Variants in KIF26B observed in about 807,000 individuals in gnomAD.
KIF26B encodes kinesin family member 26B, also known as kinesin-like protein KIF26B.
KIF26B carries 63 observed loss-of-function variants against 151.2 expected under a neutral mutation model. That is an observed-to-expected ratio of 0.42 (90% CI 0.34 to 0.51). KIF26B has a LOEUF of 0.51. Ranked by LOEUF, KIF26B falls within the 20% of genes least tolerant of loss-of-function variation. The pLI, the probability that KIF26B is intolerant of heterozygous loss-of-function variation, is 0.07. For missense variants in KIF26B, 2,813 were observed against 2,913.6 expected, an observed-to-expected ratio of 0.97 and a Z score of 0.79; for synonymous variants, 1,357 against 1,262.1, an observed-to-expected ratio of 1.08 and a Z score of -1.59.
chr1:245,219,224 T>G (rs1669712708), intron 2 of KIF26B, among the ~76,000 whole-genome samples: 1 of 144,002 alleles, frequency 6.9e-6, no homozygotes. Flanking sequence ...CTGCAAGCTT[T>G]GCCTCCCGGG....
intron 2 of KIF26B, among the ~76,000 whole-genome samples, chr1:245,184,053 T>TTTTTTTTTTTTTTTTG (rs1668958660): frequency 1.3e-5 from 1 of 78,334 alleles, no homozygotes. Context: ...AGTTGTTGTT[T>TTTTTTTTTTTTTTTTG]TTTTTTTTTT....
intron 2 of KIF26B, among the ~76,000 whole-genome samples, chr1:245,289,397 C>T (rs557439364): frequency 6.6e-6 from 1 of 152,244 alleles, no homozygotes; most frequent in Admixed American, 6.5e-5. Context: ...AGTGTATGGA[C>T]TTGAAAAAAT....
At chr1:245,696,521 G>T (rs1383221419) in intron 12 of KIF26B, among the ~76,000 whole-genome samples, 1 of 152,170 alleles carries the variant, frequency 6.6e-6, no homozygotes, top group Middle Eastern at 3.2e-3. Context: ...TGTTTTAGCC[G>T]CTGGGTTTGG....
At chr1:245,636,050 T>A (rs2043830872) in intron 9 of KIF26B, among the ~76,000 whole-genome samples, 1 of 152,176 alleles carries the variant, frequency 6.6e-6, no homozygotes, top group South Asian at 2.1e-4. Flanking sequence ...GAATACTGTG[T>A]ATCTTGGTAA....
chr1:245,311,720 G>A (rs578105650), intron 2 of KIF26B, among the ~76,000 whole-genome samples: 3 of 152,288 alleles, frequency 2.0e-5, no homozygotes, highest in African/African-American at 7.2e-5. Context: ...ATCACCTGAG[G>A]TCAGGAGTTC....
intron 2 of KIF26B, among the ~76,000 whole-genome samples, chr1:245,292,719 G>T (rs1214107993): frequency 1.3e-5 from 2 of 152,332 alleles, no homozygotes; most frequent in African/African-American, 4.8e-5. Context: ...TTCACTGAAT[G>T]ATTCTGGAAG....
intron 2 of KIF26B, among the ~76,000 whole-genome samples, chr1:245,247,310 T>A (rs1396926607): frequency 1.3e-5 from 2 of 148,256 alleles, no homozygotes; most frequent in African/African-American, 5.0e-5. Context: ...AAAAAAAAAT[T>A]AGCTGGGCGT....
chr1:245,465,845 C>T (rs1460681914), intron 4 of KIF26B, among the ~76,000 whole-genome samples: 4 of 152,128 alleles, frequency 2.6e-5, no homozygotes, highest in African/African-American at 9.7e-5. Flanking sequence ...CATCATGGGA[C>T]AGGAGCCAGG....
At chr1:245,580,876 C>T (rs1185120102) in intron 5 of KIF26B, among the ~76,000 whole-genome samples, 1 of 152,234 alleles carries the variant, frequency 6.6e-6, no homozygotes. Context: ...TCTGCCCATG[C>T]TGTCATAATG....
At chr1:245,290,540 A>G (rs1232247121) in intron 2 of KIF26B, among the ~76,000 whole-genome samples, 3 of 152,150 alleles carry the variant, frequency 2.0e-5, no homozygotes, top group Admixed American at 6.5e-5. Context: ...TTGCCATGGC[A>G]TTTGTAAACT....
intron 2 of KIF26B, among the ~76,000 whole-genome samples, chr1:245,312,133 G>A (rs1336725355): frequency 6.6e-6 from 1 of 150,746 alleles, no homozygotes; most frequent in Non-Finnish European, 1.5e-5. Context: ...ATGGGCACTA[G>A]AATTGGAGGA....
rs116421375 is a variant in KIF26B at position 245,170,138 on chromosome 1, G to A, written c.465+13455G>A. Among the ~76,000 whole-genome samples, 1,065 of 152,270 alleles carry A rather than the reference G, an allele frequency of 7.0e-3. 10 individuals are homozygous for A. Among genetic ancestry groups the A allele is most frequent in the African/African-American group, 0.022 (928 of 41,542 alleles). On this transcript the variant is annotated intron_variant, in intron 2 of 14. Coordinates refer to ENST00000407071, the MANE Select transcript of KIF26B (RefSeq NM_018012.4). The surrounding 1 kb of genome is among the most constrained non-coding windows in gnomAD (Gnocchi z 4.4). ...GGATGGGACGGTGGTGACAAATGGC[G>A]GGATGGGAGATGATGCCTGGGTGAG... is the stretch of plus-strand genomic sequence containing the variant.
At chr1:245,418,699 T>A (rs1014388790) in intron 3 of KIF26B, among the ~76,000 whole-genome samples, 6 of 152,258 alleles carry the variant, frequency 3.9e-5, no homozygotes, top group Non-Finnish European at 7.3e-5. Flanking sequence ...ACTGACATTT[T>A]TCTTTTTTTG....
chr1:245,578,502 G>GAC (rs2043146331), intron 5 of KIF26B, among the ~76,000 whole-genome samples: 1 of 152,188 alleles, frequency 6.6e-6, no homozygotes, highest in Admixed American at 6.5e-5. Flanking sequence ...AGCTGTAGAG[G>GAC]ACACACACAG....
Position 245,170,267 on chromosome 1 carries a change from G to A in KIF26B, c.465+13584G>A, listed in dbSNP as rs956377203. On this transcript the variant is annotated intron_variant, in intron 2 of 14. Transcript: ENST00000407071. The surrounding 1 kb of genome is among the most constrained non-coding windows in gnomAD (Gnocchi z 4.4). ...AGAGTAAGAGCAGCGCCTTCACCTCGGTGGAGCTTAGTCTAGGCATTTATG... is the reference window on the plus strand; with the variant it reads ...AGAGTAAGAGCAGCGCCTTCACCTCAGTGGAGCTTAGTCTAGGCATTTATG... Among the ~76,000 whole-genome samples the A allele has an allele frequency of 1.3e-5, 2 of 152,178 alleles. No individual in the cohort carries two copies. Among genetic ancestry groups the A allele is most frequent in the African/African-American group, 4.8e-5 (2 of 41,436 alleles).
At chr1:245,245,617 C>T (rs1196316638) in intron 2 of KIF26B, among the ~76,000 whole-genome samples, 2 of 152,064 alleles carry the variant, frequency 1.3e-5, no homozygotes, top group East Asian at 1.9e-4. Flanking sequence ...ATGGTGAAAC[C>T]CCATCTCTAC....
chr1:245,225,659 G>A (rs547655432), intron 2 of KIF26B, among the ~76,000 whole-genome samples: 4 of 152,336 alleles, frequency 2.6e-5, no homozygotes, highest in Admixed American at 2.6e-4. Flanking sequence ...GGTGGCTGGA[G>A]GCCAGAGAGG....
chr1:245,449,482 A>G (rs2298106), intron 4 of KIF26B, among the ~76,000 whole-genome samples: 22,997 of 151,634 alleles, frequency 0.15, 2,164 homozygotes, highest in East Asian at 0.26. Context: ...GAGGGGCTGT[A>G]TTTTCTTCCC....
chr1:245,396,879 G>C lies in KIF26B; in HGVS notation c.1000-22700G>C, dbSNP rs373195381. Among the ~76,000 whole-genome samples, 10 of 152,000 alleles carry C rather than the reference G, an allele frequency of 6.6e-5. No individual in the cohort carries two copies. In the East Asian group the frequency reaches 1.5e-3, roughly 24 times the overall value. Reference sequence around the variant, plus strand: ...ACATGATGTTTCCCTATGCACCTCCGTGCCAGGAATGTTAGAATCAAGTTT... The same window carrying C: ...ACATGATGTTTCCCTATGCACCTCCCTGCCAGGAATGTTAGAATCAAGTTT... On this transcript the variant is annotated intron_variant, in intron 3 of 14. Transcript: ENST00000407071.
Sources: allele counts gnomAD v4.1 joint callset (sites outside exome capture counted in the v4.1 genomes callset), GRCh38; gene constraint gnomAD v4.1.1; non-coding constraint Gnocchi (gnomAD v3.1); transcripts MANE v1.5; gene names NCBI Gene and HGNC (gene_info 2026-07-23, HGNC 2026-07-21).